The following PPP2R2C variants were observed in gnomAD, a reference collection of about 807,000 sequenced individuals.
PPP2R2C encodes the protein protein phosphatase 2, regulatory subunit B, gamma.
A neutral mutation model predicts 45.3 loss-of-function variants in PPP2R2C; 10 were observed. The observed-to-expected ratio is 0.22, with a 90% CI of 0.14 to 0.37. The LOEUF is 0.37. PPP2R2C is among the 10% of genes least tolerant of loss of function. The pLI is 1.00. For synonymous variants in PPP2R2C, 257 were observed against 245.4 expected, an observed-to-expected ratio of 1.05 and a Z score of -0.44; for missense variants, 308 against 619.7, an observed-to-expected ratio of 0.50 and a Z score of 5.34.
intron 2 of PPP2R2C, among the ~76,000 whole-genome samples, chr4:6,502,769 T>C (rs915709170): frequency 6.6e-6 from 1 of 152,154 alleles, no homozygotes; most frequent in Admixed American, 6.5e-5. Flanking sequence ...TATTTTCATT[T>C]TATCCGAGCA....
intron 2 of PPP2R2C, among the ~76,000 whole-genome samples, chr4:6,519,555 G>A (rs1157843728): frequency 6.6e-6 from 1 of 152,232 alleles, no homozygotes. Flanking sequence ...CTTTGCATCT[G>A]CTGTTCCCTT....
intron 1 of PPP2R2C, among the ~76,000 whole-genome samples, chr4:6,546,075 C>T (rs1016564806): frequency 5.3e-5 from 8 of 152,176 alleles, no homozygotes; most frequent in East Asian, 3.8e-4. Context: ...GCCCTGAGAA[C>T]GATAATAGCA....
chr4:6,381,957 C>G (rs1336411215), intron 1 of PPP2R2C: 6 of 1,477,500 alleles, frequency 4.1e-6, no homozygotes, highest in Non-Finnish European at 4.5e-6. Flanking sequence ...TCTGGGTGGC[C>G]AGCCCTGGGA....
chr4:6,470,726 G>A (rs1328073325), intron 1 of PPP2R2C, among the ~76,000 whole-genome samples: 2 of 152,222 alleles, frequency 1.3e-5, no homozygotes, highest in East Asian at 1.9e-4. Context: ...GCCGAAGCAG[G>A]CGACAAAGGA....
Position 6,378,279 on chromosome 4 carries a change from A to T in PPP2R2C, c.334+128T>A. On this transcript the variant is annotated intron_variant, in intron 3 of 8. Coordinates refer to ENST00000382599, the MANE Select transcript of PPP2R2C (RefSeq NM_020416.4). The surrounding 1 kb of genome is among the most constrained non-coding windows in gnomAD (Gnocchi z 5.2). ...CATGGGATTTATATGCTGCTCAAAA[A>T]GGATATTATTTTCTAGGCGTTCTGA... The T allele has an allele frequency of 6.5e-7, 1 of 1,527,484 alleles. No individual in the cohort carries two copies. The highest frequency in any genetic ancestry group is 8.8e-7 in the Non-Finnish European group (1 of 1,139,338). 94.6% of individuals were successfully genotyped at this position (1,527,484 alleles called of 1,614,324 possible). A position where few individuals can be genotyped will look rare whatever the true frequency, so the allele number is the denominator to read the frequency against.
At chr4:6,348,387 G>A (rs1577091086) in intron 5 of PPP2R2C, among the ~76,000 whole-genome samples, 1 of 151,772 alleles carries the variant, frequency 6.6e-6, no homozygotes, top group African/African-American at 2.4e-5. Context: ...AGAAGAAAAA[G>A]AGCATTTATA....
At chr4:6,393,109 T>A (rs1366024192) in intron 1 of PPP2R2C, among the ~76,000 whole-genome samples, 1 of 152,224 alleles carries the variant, frequency 6.6e-6, no homozygotes, top group Non-Finnish European at 1.5e-5. Flanking sequence ...GATTGGATTT[T>A]AACAGATTCA....
intron 1 of PPP2R2C, among the ~76,000 whole-genome samples, chr4:6,541,897 G>A (rs1009951363): frequency 2.0e-5 from 3 of 152,202 alleles, no homozygotes; most frequent in Admixed American, 6.5e-5. Flanking sequence ...GAGAAGGCAG[G>A]AAATTGCTGA....
At chr4:6,422,767 G>A (rs1189528197) in intron 1 of PPP2R2C, among the ~76,000 whole-genome samples, 1 of 152,172 alleles carries the variant, frequency 6.6e-6, no homozygotes, top group Non-Finnish European at 1.5e-5. Context: ...TGAAAACCCT[G>A]TCTCAAAACA....
In PPP2R2C at chr4:6,332,603, G is replaced by A. The variant is rs140520689; in HGVS notation, c.960+959C>T. Among the ~76,000 whole-genome samples, 265 of 152,304 alleles carry A rather than the reference G, an allele frequency of 1.7e-3. 1 individual carries two copies. The highest frequency in any genetic ancestry group is 6.0e-3 in the African/African-American group (251 of 41,570). On this transcript the variant is annotated intron_variant, in intron 7 of 8. Transcript: ENST00000382599. The surrounding 1 kb of genome is among the most constrained non-coding windows in gnomAD (Gnocchi z 4.9). Reference sequence around the variant, plus strand: ...GTCTTCGCACGGAGGAAAGGAAAGCGTAGGGCTCTGAGCCTGGGCTCTGAA... The same window carrying A: ...GTCTTCGCACGGAGGAAAGGAAAGCATAGGGCTCTGAGCCTGGGCTCTGAA...
intron 2 of PPP2R2C, among the ~76,000 whole-genome samples, chr4:6,489,047 A>G (rs940076593): frequency 1.3e-5 from 2 of 152,156 alleles, no homozygotes; most frequent in Admixed American, 6.5e-5. Flanking sequence ...CCATTCCATT[A>G]GTCTGCCTGT....
intron 1 of PPP2R2C, among the ~76,000 whole-genome samples, chr4:6,406,235 A>G (rs1717787223): frequency 6.6e-6 from 1 of 152,238 alleles, no homozygotes; most frequent in Non-Finnish European, 1.5e-5. Context: ...AAAGGGATCT[A>G]AACCTCAGCC....
chr4:6,381,576 T>C (rs1464854180), intron 1 of PPP2R2C: 3 of 1,430,290 alleles, frequency 2.1e-6, no homozygotes, highest in Non-Finnish European at 2.7e-6. Context: ...TCCCACACAG[T>C]AGGACAGAGG....
At chr4:6,464,693 T>C (rs961670764) in intron 1 of PPP2R2C, among the ~76,000 whole-genome samples, 1 of 152,196 alleles carries the variant, frequency 6.6e-6, no homozygotes, top group Admixed American at 6.5e-5. Context: ...TTCTGGAGAA[T>C]AATCTGCCAA....
Position 6,320,707 on chromosome 4 carries a change from C to T in PPP2R2C, c.*2595G>A, listed in dbSNP as rs1416691076. On this transcript the variant is annotated 3_prime_UTR_variant, in exon 9 of 9. Coordinates refer to ENST00000382599, the MANE Select transcript of PPP2R2C (RefSeq NM_020416.4). ...AGAATGCACCTATGAGTTACAGAGTCCAAACTGATCAGGGCTGACAACTTG... is the reference window on the plus strand; with the variant it reads ...AGAATGCACCTATGAGTTACAGAGTTCAAACTGATCAGGGCTGACAACTTG... The T allele has an allele frequency of 6.6e-6, 1 of 152,492 alleles. No individual in the cohort carries two copies. Among genetic ancestry groups the T allele is most frequent in the Non-Finnish European group, 1.5e-5 (1 of 68,040 alleles). The allele number at this position is 152,492 out of a possible 1,614,324, so 9.4% of individuals were successfully genotyped here.
rs368494059 is a variant in PPP2R2C, at chr4:6,347,816, A to G, written c.790+30T>C. On this transcript the variant is annotated intron_variant, in intron 6 of 8. Transcript: ENST00000382599. ...CCACCCGCCCGCCTGCCCAATGCAC[A>G]GCCCCCCACCCCCAGGCACCGGCAC... 4.7e-4 allele frequency: 375 copies of G among 791,084 alleles called. 3 individuals are homozygous for G. The African/African-American group carries it at 6.5e-3, about 14-fold the overall frequency. The allele number at this position is 791,084 out of a possible 1,614,324, so 49.0% of individuals were successfully genotyped here.
chr4:6,450,292 C>T (rs1379311822), intron 1 of PPP2R2C, among the ~76,000 whole-genome samples: 1 of 152,160 alleles, frequency 6.6e-6, no homozygotes, highest in East Asian at 1.9e-4. Context: ...TGGCTGGTAT[C>T]TGGCGTCTCC....
intron 5 of PPP2R2C, among the ~76,000 whole-genome samples, chr4:6,354,487 C>T (rs940081767): frequency 3.3e-5 from 5 of 152,048 alleles, no homozygotes; most frequent in Admixed American, 2.6e-4. Flanking sequence ...GATTCACCTC[C>T]GTGCCCCCAC....
Position 6,378,114 on chromosome 4 carries a change from G to T in PPP2R2C, c.334+293C>A, listed in dbSNP as rs985861566. On this transcript the variant is annotated intron_variant, in intron 3 of 8. Coordinates refer to ENST00000382599, the MANE Select transcript of PPP2R2C (RefSeq NM_020416.4). The surrounding 1 kb of genome is among the most constrained non-coding windows in gnomAD (Gnocchi z 5.2). ...GCTCGGATGGCTCTATTCACAGCAG[G>T]GGGCAGCCCTGTGTCTGGCCATGGG... 6.6e-6 allele frequency among the ~76,000 whole-genome samples: 1 copy of T among 152,128 alleles called. No homozygotes were observed. The highest frequency in any genetic ancestry group is 1.5e-5 in the Non-Finnish European group (1 of 68,026).
Sources: gnomAD v4.1 joint callset for allele counts (sites outside exome capture counted in the v4.1 genomes callset) on GRCh38, gnomAD v4.1.1 for gene constraint, Gnocchi (gnomAD v3.1) non-coding constraint, MANE v1.5 for transcripts, NCBI Gene and HGNC (gene_info 2026-07-23, HGNC 2026-07-21) for gene names.